Variants in FRMD3 observed in about 807,000 individuals in gnomAD.
FRMD3 encodes the protein FERM domain-containing protein 3.
In FRMD3, 33 loss-of-function variants were observed where a neutral mutation model predicts 70.2. That is an observed-to-expected ratio of 0.47 (90% CI 0.36 to 0.63). The LOEUF (loss-of-function observed/expected upper bound fraction) is 0.63. FRMD3 is among the 20% of genes least tolerant of loss of function. FRMD3 has a pLI of 0.00. For synonymous variants in FRMD3, 279 were observed against 255.9 expected, an observed-to-expected ratio of 1.09 and a Z score of -0.86; for missense variants, 632 against 711.4, an observed-to-expected ratio of 0.89 and a Z score of 1.27.
chr9:83,508,216 G>A (rs1318464605), intron 1 of FRMD3, among the ~76,000 whole-genome samples: 1 of 152,168 alleles, frequency 6.6e-6, no homozygotes. Context: ...TCAACAACAG[G>A]AAGCACTAAC....
chr9:83,363,594 C>T (rs925172230), intron 3 of FRMD3, among the ~76,000 whole-genome samples: 1 of 141,574 alleles, frequency 7.1e-6, no homozygotes, highest in Admixed American at 7.6e-5. Flanking sequence ...CTCGCTGTCG[C>T]CCAGGCTGGA....
chr9:83,492,140 C>T (rs959972284), intron 1 of FRMD3, among the ~76,000 whole-genome samples: 13 of 152,060 alleles, frequency 8.5e-5, no homozygotes, highest in Non-Finnish European at 2.9e-5. Context: ...TGCCATAGGT[C>T]ATTCCAGGAC....
intron 13 of FRMD3, among the ~76,000 whole-genome samples, chr9:83,261,102 GACACACACACACACACACAC>G (rs59345002): frequency 1.3e-3 from 168 of 133,156 alleles, no homozygotes; most frequent in Non-Finnish European, 1.8e-3. Flanking sequence ...AGGAAACTTA[GACACACACACACACACACAC>G]ACACACACAC....
In FRMD3 at chr9:83,335,498, T is replaced by G. The variant is rs554752863; in HGVS notation, c.596+18A>C. The G allele has an allele frequency of 1.3e-6, 2 of 1,599,468 alleles. No individual in the cohort carries two copies. The highest frequency in any genetic ancestry group is 1.7e-6 in the Non-Finnish European group (2 of 1,168,448). On this transcript the variant is annotated intron_variant, in intron 6 of 13. Coordinates refer to ENST00000304195, the MANE Select transcript of FRMD3 (RefSeq NM_174938.6). The stretch of plus-strand genomic sequence containing the variant: ...TTCTCCCCTTTATCATTTTCACAAA[T>G]GTCTACTCAGTAATTACCTGAGTTC...
chr9:83,572,622 C>T, the FRMD3 span, among the ~76,000 whole-genome samples: 17 of 152,126 alleles, frequency 1.1e-4, no homozygotes, highest in East Asian at 9.6e-4. Flanking sequence ...ATGATTGCTA[C>T]GCAGCATTAT....
chr9:83,518,903 A>G lies in FRMD3; in HGVS notation c.147+19182T>C, dbSNP rs1457601858. Among the ~76,000 whole-genome samples the G allele has an allele frequency of 2.6e-5, 4 of 152,260 alleles. No individual in the cohort carries two copies. In the East Asian group the frequency reaches 7.7e-4, roughly 29 times the overall value. On this transcript the variant is annotated intron_variant, in intron 1 of 13. Coordinates refer to ENST00000304195, the MANE Select transcript of FRMD3 (RefSeq NM_174938.6). ...ACAAGCAACGGGGAAAGGATTCCCT[A>G]TTTAATAAATGATGTTGGGAAAACT...
rs182655381 is a variant in FRMD3, at chr9:83,296,767, C to T, written c.1070+1981G>A. Among the ~76,000 whole-genome samples, 313 of 152,260 alleles carry T rather than the reference C, an allele frequency of 2.1e-3. 3 individuals are homozygous for T. Among genetic ancestry groups the T allele is most frequent in the Non-Finnish European group, 1.5e-3 (99 of 68,026 alleles). ...TGCCTCAGCATGTATCCACTTTCCT[C>T]GCACTCTGGGGTTCAGTCTACTCCA... On this transcript the variant is annotated intron_variant, in intron 12 of 13. Coordinates refer to ENST00000304195, the MANE Select transcript of FRMD3 (RefSeq NM_174938.6).
intron 1 of FRMD3, among the ~76,000 whole-genome samples, chr9:83,460,297 T>C (rs764606531): frequency 9.8e-5 from 15 of 152,292 alleles, no homozygotes; most frequent in Non-Finnish European, 1.3e-4. Context: ...CCTGACATGG[T>C]ACTCTGATGC....
At chr9:83,364,754 T>G (rs1349732731) in intron 3 of FRMD3, among the ~76,000 whole-genome samples, 1 of 152,250 alleles carries the variant, frequency 6.6e-6, no homozygotes, top group Non-Finnish European at 1.5e-5. Context: ...TTAAACATAT[T>G]TGGCTTTTGA....
intron 1 of FRMD3, among the ~76,000 whole-genome samples, chr9:83,455,222 T>C (rs1827784071): frequency 6.6e-6 from 1 of 152,198 alleles, no homozygotes; most frequent in South Asian, 2.1e-4. Flanking sequence ...GTGCACTTCT[T>C]TATACTTTTA....
the FRMD3 span, among the ~76,000 whole-genome samples, chr9:83,584,735 G>T: frequency 6.6e-6 from 1 of 152,132 alleles, no homozygotes; most frequent in Non-Finnish European, 1.5e-5. Flanking sequence ...CAGGGAATAA[G>T]GCAGGCTCAG....
intron 12 of FRMD3, chr9:83,297,876 C>G (rs564165616): frequency 4.3e-6 from 2 of 469,616 alleles, no homozygotes; most frequent in African/African-American, 4.0e-5. Context: ...GAAATGCCAT[C>G]TGGATGCTTC....
chr9:83,344,824 A>AGAGTGTGTGT (rs376018449), intron 4 of FRMD3, among the ~76,000 whole-genome samples: 5 of 143,972 alleles, frequency 3.5e-5, no homozygotes, highest in South Asian at 2.3e-4. Flanking sequence ...TGCATGTGTG[A>AGAGTGTGTGT]GTGTGTGTGT....
intron 13 of FRMD3, among the ~76,000 whole-genome samples, chr9:83,289,054 C>A (rs190735530): frequency 1.3e-5 from 2 of 152,252 alleles, no homozygotes; most frequent in Non-Finnish European, 2.9e-5. Flanking sequence ...TTAGCCACAC[C>A]CTCCTTCATT....
At chr9:83,305,903 G>A (rs1835114178) in intron 10 of FRMD3, among the ~76,000 whole-genome samples, 1 of 152,186 alleles carries the variant, frequency 6.6e-6, no homozygotes, top group African/African-American at 2.4e-5. Flanking sequence ...ACAAGTGACT[G>A]GAAGGGACTT....
chr9:83,258,318 C>T (rs966747647), intron 13 of FRMD3, among the ~76,000 whole-genome samples: 1 of 152,250 alleles, frequency 6.6e-6, no homozygotes, highest in African/African-American at 2.4e-5. Context: ...AGGAGCAGCA[C>T]TCACATTCAC....
chr9:83,257,921 C>A (rs150501245), intron 13 of FRMD3, among the ~76,000 whole-genome samples: 1 of 152,140 alleles, frequency 6.6e-6, no homozygotes, highest in Non-Finnish European at 1.5e-5. Flanking sequence ...ATAGAAAACA[C>A]TCAATAATGT....
chr9:83,576,019 G>A, the FRMD3 span, among the ~76,000 whole-genome samples: 9 of 151,656 alleles, frequency 5.9e-5, no homozygotes, highest in African/African-American at 1.9e-4. Flanking sequence ...AGGAGTTTGG[G>A]CAATATAGCA....
chr9:83,264,242 T>C (rs1833123034), intron 13 of FRMD3, among the ~76,000 whole-genome samples: 1 of 152,140 alleles, frequency 6.6e-6, no homozygotes, highest in Non-Finnish European at 1.5e-5. Context: ...TTCCAACTAA[T>C]TGACATTCTG....
Sources: gnomAD v4.1 joint callset for allele counts (sites outside exome capture counted in the v4.1 genomes callset) on GRCh38, gnomAD v4.1.1 for gene constraint, MANE v1.5 for transcripts, NCBI Gene and HGNC (gene_info 2026-07-23, HGNC 2026-07-21) for gene names.